Variants in DNAJC13 observed in about 807,000 individuals in gnomAD.
DNAJC13 encodes the protein dnaJ homolog subfamily C member 13.
DNAJC13 carries 75 observed loss-of-function variants against 290.5 expected under a neutral mutation model. The observed-to-expected ratio is 0.26, with a 90% confidence interval of 0.21 to 0.31. DNAJC13 has a LOEUF of 0.31. DNAJC13 is among the 10% of genes least tolerant of loss of function. DNAJC13 has a pLI of 1.00. For synonymous variants in DNAJC13, 862 were observed against 892.0 expected (o/e 0.97, Z 0.60); for missense variants, 2,260 against 2,674.5 (o/e 0.85, Z 3.42).
chr3:132,525,478 A>T, intron 51 of DNAJC13, 132 bp from the exon 52 acceptor site: 3 of 823,076 alleles, frequency 3.6e-6, no homozygotes, highest in Non-Finnish European at 3.8e-6. Flanking sequence ...TCTTAGGATT[A>T]GTGAATCTGT....
At chr3:132,464,693 T>C (rs1933917517) in intron 17 of DNAJC13, among the ~76,000 whole-genome samples, 1 of 152,154 alleles carries the variant, frequency 6.6e-6, no homozygotes, top group Non-Finnish European at 1.5e-5. Flanking sequence ...AGGATAAAGA[T>C]AATAAGGATG....
chr3:132,498,504 G>A lies in DNAJC13; in HGVS notation c.4157-622G>A, dbSNP rs16839313. 5.4e-3 allele frequency among the ~76,000 whole-genome samples: 821 copies of A among 152,122 alleles called. 9 individuals carry two copies. The highest frequency in any genetic ancestry group is 0.018 in the African/African-American group (740 of 41,524). On this transcript the variant is annotated intron_variant, in intron 36 of 55. Transcript: ENST00000260818. ...GCATAGAAAGTAGGTATTCTGCAAAGGATCAAAACTATACACCAAGTGCAG... is the reference window on the plus strand; with the variant it reads ...GCATAGAAAGTAGGTATTCTGCAAAAGATCAAAACTATACACCAAGTGCAG...
chr3:132,490,830 A>C (rs1038208910), intron 31 of DNAJC13, 67 bp from the exon 32 acceptor site: 2 of 1,379,042 alleles, frequency 1.5e-6, no homozygotes, highest in African/African-American at 3.0e-5. Context: ...ACCATAAATC[A>C]TTTATTAGAA....
At chr3:132,534,962 G>A (rs539160066) in intron 55 of DNAJC13, among the ~76,000 whole-genome samples, 1 of 152,356 alleles carries the variant, frequency 6.6e-6, no homozygotes, top group Non-Finnish European at 1.5e-5. Context: ...GGAATTTATA[G>A]TGTTGTGTTG....
chr3:132,447,022 C>T (rs953051933), intron 3 of DNAJC13, among the ~76,000 whole-genome samples: 4 of 152,046 alleles, frequency 2.6e-5, no homozygotes. Context: ...AGGCATGTTT[C>T]ACAAACTTTT....
At chr3:132,453,267 T>G (rs1933475975) in intron 6 of DNAJC13, 31 bp from the exon 7 acceptor site, 6 of 1,600,322 alleles carry the variant, frequency 3.7e-6, no homozygotes, top group African/African-American at 1.3e-5. Flanking sequence ...TTGTTTCAAC[T>G]CTGACTTTTT....
intron 39 of DNAJC13, 28 bp downstream of exon 39, chr3:132,500,941 A>G (rs759097781): frequency 1.2e-6 from 2 of 1,609,958 alleles, no homozygotes; most frequent in East Asian, 2.2e-5. Context: ...TGCTTTCTAG[A>G]TACAGACAGC....
chr3:132,489,005 C>T lies in DNAJC13; in HGVS notation c.3452C>T (p.Ala1151Val), dbSNP rs754880650. 3.1e-6 allele frequency: 5 copies of T among 1,610,498 alleles called. No individual in the cohort carries two copies. Among genetic ancestry groups the T allele is most frequent in the African/African-American group, 1.3e-5 (1 of 74,802 alleles). The part of the protein sequence containing the change: ...RFLKYTHTKQ[A>V]FKSEETKGQD... Reference sequence around the variant, plus strand: ...TTGAAATACACACATACCAAACAGGCTTTCAAGTCAGAAGAGGTAAGCCAG... The same window carrying T: ...TTGAAATACACACATACCAAACAGGTTTTCAAGTCAGAAGAGGTAAGCCAG... The change falls in exon 31 of 56, where the codon GCT becomes GTT. Residue 1151 changes from alanine to valine, a missense_variant. Ala to Val is a moderately conservative substitution (Grantham distance 64, BLOSUM62 0). Transcript: ENST00000260818.
rs745588383 is a variant in DNAJC13, at chr3:132,460,250, C to T, written c.1450C>T (p.Pro484Ser). 8 of 1,589,862 alleles carry T rather than the reference C, an allele frequency of 5.0e-6. No individual in the cohort carries two copies. The highest frequency in any genetic ancestry group is 1.7e-4 in the Middle Eastern group (1 of 5,972). ...AVDMLCALMC[P>S]MHDDYDLRQE... ...ACTGTTTTTTTTTTTTCATCAATAG[C>T]CCATGCATGATGACTATGACTTAAG... Residue 484 changes from proline (P) to serine (S), a missense_variant and splice_region_variant, in exon 14 of 56, where the codon CCC becomes TCC. By Grantham distance (74) the Pro-to-Ser change is moderately conservative. Transcript: ENST00000260818.
Position 132,436,878 on chromosome 3 carries a change from T to A in DNAJC13, c.68+2260T>A, listed in dbSNP as rs1207283432. Among the ~76,000 whole-genome samples the A allele has an allele frequency of 1.1e-4, 17 of 149,700 alleles. No homozygotes were observed. In the Admixed American group the frequency reaches 1.2e-3, roughly 10 times the overall value. On this transcript the variant is annotated intron_variant, in intron 2 of 55. Transcript: ENST00000260818. ...ACTGTAACTAAAAAAATTTTTTTTA[T>A]TTTACTTTTTTTTTTTTTTCTTTTT...
chr3:132,456,956 C>T, intron 12 of DNAJC13, 124 bp downstream of exon 12: 1 of 1,094,152 alleles, frequency 9.1e-7, no homozygotes, highest in Non-Finnish European at 1.3e-6. Flanking sequence ...TGATATGGTA[C>T]TTTATTCATG....
At chr3:132,474,117 T>A (rs1013474514) in intron 21 of DNAJC13, 1 of 152,262 alleles carries the variant, frequency 6.6e-6, no homozygotes, top group African/African-American at 2.4e-5. Context: ...TCTTGGGTAG[T>A]CTGTAAAGTC....
At chr3:132,450,269 C>T (rs1933380439) in intron 5 of DNAJC13, among the ~76,000 whole-genome samples, 1 of 151,954 alleles carries the variant, frequency 6.6e-6, no homozygotes, top group African/African-American at 2.4e-5. Flanking sequence ...CATTATTGAA[C>T]TTGGATTAAA....
intron 30 of DNAJC13, 37 bp from the exon 31 acceptor site, chr3:132,488,939 T>G: frequency 6.6e-7 from 1 of 1,525,034 alleles, no homozygotes; most frequent in Non-Finnish European, 9.1e-7. Flanking sequence ...ACTAAATCGG[T>G]TTCTATATCT....
At chr3:132,472,446 T>C in intron 20 of DNAJC13, 1 of 592,846 alleles carries the variant, frequency 1.7e-6, no homozygotes, top group Non-Finnish European at 2.1e-6. Context: ...TATTTTAGTC[T>C]TAAAGTAAAG....
intron 1 of DNAJC13, among the ~76,000 whole-genome samples, chr3:132,429,267 C>A (rs1315148903): frequency 1.3e-5 from 2 of 151,562 alleles, no homozygotes; most frequent in Non-Finnish European, 2.9e-5. Flanking sequence ...AATTTGCAGT[C>A]AAATGATACA....
chr3:132,456,920 G>A (rs1357824407), intron 12 of DNAJC13, 88 bp downstream of exon 12: 26 of 1,387,348 alleles, frequency 1.9e-5, no homozygotes, highest in Non-Finnish European at 2.5e-5. Context: ...CCTTTTCCTT[G>A]ACTAAACCAG....
At position 132,494,220 on chromosome 3, in the gene DNAJC13, A is replaced by G; in HGVS notation, c.3902A>G (p.Asp1301Gly). 2.5e-6 allele frequency: 4 copies of G among 1,613,218 alleles called. No individual in the cohort carries two copies. Among genetic ancestry groups the G allele is most frequent in the Non-Finnish European group, 3.4e-6 (4 of 1,179,548 alleles). ...EKKPPMMSID[D>G]AYEVLNLPQG... Reference sequence around the variant, plus strand: ...AAGCCACCTATGATGTCAATAGATGATGCTTATGAAGTGCTTAATCTGCCT... The same window carrying G: ...AAGCCACCTATGATGTCAATAGATGGTGCTTATGAAGTGCTTAATCTGCCT... Residue 1301 changes from aspartate (D) to glycine (G), a missense_variant, in exon 34 of 56, where the codon GAT (aspartate) becomes GGT (glycine). By Grantham distance (94) the Asp-to-Gly change is moderately conservative. This residue lies in a region of DNAJC13 where 1,494 missense variants were observed against 1,693.7 expected (regional missense o/e 0.88). Transcript: ENST00000260818.
chr3:132,428,331 G>T (rs1939158338), intron 1 of DNAJC13, among the ~76,000 whole-genome samples: 2 of 152,164 alleles, frequency 1.3e-5, no homozygotes, highest in South Asian at 4.1e-4. Context: ...TGGCTGAAAT[G>T]ACTTTATCAA....
Sources: gnomAD v4.1 joint callset for allele counts (sites outside exome capture counted in the v4.1 genomes callset) on GRCh38, gnomAD v4.1.1 for gene constraint, gnomAD v4.1.1 regional missense constraint, MANE v1.5 for transcripts, NCBI Gene and HGNC (gene_info 2026-07-23, HGNC 2026-07-21) for gene names.